Variants in LINGO2 observed in about 807,000 individuals in gnomAD.
LINGO2 encodes leucine-rich repeat and immunoglobulin-like domain-containing nogo receptor-interacting protein 2.
LINGO2 carries 14 observed loss-of-function variants against 30.6 expected under a neutral mutation model. The observed-to-expected ratio is 0.46, with a 90% CI of 0.30 to 0.72. The LOEUF (loss-of-function observed/expected upper bound fraction) is 0.72, where lower values mean the gene tolerates loss of function less well. LINGO2 is among the 30% of genes least tolerant of loss of function. The probability of loss-of-function intolerance (pLI) is 0.07; values close to 1 mark genes in which losing one functional copy is unlikely to be tolerated. For missense variants in LINGO2, 729 were observed against 751.7 expected (o/e 0.97, Z 0.35); for synonymous variants, 317 against 288.5 (o/e 1.10, Z -1.00).
the LINGO2 span, among the ~76,000 whole-genome samples, chr9:28,989,319 T>C: frequency 2.0e-5 from 3 of 152,228 alleles, no homozygotes; most frequent in Non-Finnish European, 2.9e-5. Flanking sequence ...ACAATGTTTG[T>C]AAAATATTCT....
At chr9:28,605,181 T>C (rs1460519701) in intron 1 of LINGO2, among the ~76,000 whole-genome samples, 2 of 152,138 alleles carry the variant, frequency 1.3e-5, no homozygotes, top group Non-Finnish European at 2.9e-5. Context: ...AGAAAATAAA[T>C]ACCTCAATAA....
At chr9:28,091,760 G>C (rs1015192561) in intron 4 of LINGO2, among the ~76,000 whole-genome samples, 2 of 152,098 alleles carry the variant, frequency 1.3e-5, no homozygotes, top group Non-Finnish European at 2.9e-5. Flanking sequence ...AGAGTGAACA[G>C]GCAACCTACA....
At chr9:29,069,111 T>C in the LINGO2 span, among the ~76,000 whole-genome samples, 3 of 152,016 alleles carry the variant, frequency 2.0e-5, no homozygotes, top group African/African-American at 7.2e-5. Flanking sequence ...TATGTATCCA[T>C]TGTCATGAGG....
At chr9:28,736,014 G>A in the LINGO2 span, among the ~76,000 whole-genome samples, 1 of 152,162 alleles carries the variant, frequency 6.6e-6, no homozygotes, top group African/African-American at 2.4e-5. Flanking sequence ...AACATAAACA[G>A]TGAGATCAAT....
At chr9:28,199,824 A>G (rs1820162415) in intron 4 of LINGO2, among the ~76,000 whole-genome samples, 1 of 152,162 alleles carries the variant, frequency 6.6e-6, no homozygotes. Flanking sequence ...ATACATGACC[A>G]ATACATTGAA....
chr9:28,530,140 G>A (rs1821174485), intron 1 of LINGO2, among the ~76,000 whole-genome samples: 1 of 151,966 alleles, frequency 6.6e-6, no homozygotes, highest in South Asian at 2.1e-4. Flanking sequence ...GGCAAAAGCA[G>A]GTGAAGGTGG....
At chr9:28,830,467 A>G in the LINGO2 span, among the ~76,000 whole-genome samples, 1 of 152,130 alleles carries the variant, frequency 6.6e-6, no homozygotes, top group African/African-American at 2.4e-5. Context: ...GAAAACCAAA[A>G]TGGAAATGAA....
At chr9:28,018,237 C>T (rs1272232727) in intron 4 of LINGO2, among the ~76,000 whole-genome samples, 1 of 152,058 alleles carries the variant, frequency 6.6e-6, no homozygotes, top group Non-Finnish European at 1.5e-5. Context: ...AACTGTAGAA[C>T]CTAAAACTAT....
At chr9:28,800,269 A>C in the LINGO2 span, among the ~76,000 whole-genome samples, 763 of 152,124 alleles carry the variant, frequency 5.0e-3, 8 homozygotes, top group African/African-American at 0.018. Flanking sequence ...TCTGAGTTGA[A>C]CTCGATTTTC....
chr9:28,097,947 C>T (rs1449889694), intron 4 of LINGO2, among the ~76,000 whole-genome samples: 1 of 152,034 alleles, frequency 6.6e-6, no homozygotes, highest in Non-Finnish European at 1.5e-5. Flanking sequence ...AGTCTGCCAA[C>T]AGGCCTTGCT....
At chr9:28,928,549 C>T in the LINGO2 span, among the ~76,000 whole-genome samples, 1 of 152,028 alleles carries the variant, frequency 6.6e-6, no homozygotes, top group Non-Finnish European at 1.5e-5. Flanking sequence ...CACACAGGCA[C>T]TGAGGTTCCA....
At chr9:28,566,981 C>T (rs889007633) in intron 1 of LINGO2, among the ~76,000 whole-genome samples, 2 of 152,138 alleles carry the variant, frequency 1.3e-5, no homozygotes, top group African/African-American at 2.4e-5. Context: ...TCATCTTCAG[C>T]TTTAAGTAAT....
intron 5 of LINGO2, among the ~76,000 whole-genome samples, chr9:28,012,085 C>T (rs928629402): frequency 1.3e-5 from 2 of 152,076 alleles, no homozygotes; most frequent in Non-Finnish European, 2.9e-5. Flanking sequence ...TTTATTTTCC[C>T]CAGAAGAGTT....
the LINGO2 span, among the ~76,000 whole-genome samples, chr9:28,858,000 G>A: frequency 1.3e-5 from 2 of 151,568 alleles, no homozygotes; most frequent in African/African-American, 2.4e-5. Context: ...ATCCCATTTG[G>A]TCTCTGGATT....
At chr9:28,557,474 G>A (rs368486148) in intron 1 of LINGO2, among the ~76,000 whole-genome samples, 56 of 151,586 alleles carry the variant, frequency 3.7e-4, no homozygotes, top group African/African-American at 4.6e-4. Context: ...TTAGAATGGC[G>A]ATCATTAAAA....
At chr9:28,040,348 A>G (rs1346024664) in intron 4 of LINGO2, among the ~76,000 whole-genome samples, 2 of 151,954 alleles carry the variant, frequency 1.3e-5, no homozygotes, top group African/African-American at 4.8e-5. Flanking sequence ...AAACTGCTGA[A>G]TTGGAAGGTT....
the LINGO2 span, among the ~76,000 whole-genome samples, chr9:28,730,557 A>C: frequency 1.9e-4 from 29 of 152,342 alleles, 1 homozygote; most frequent in East Asian, 5.0e-3. Context: ...CACATATCCA[A>C]TAAAGGACTA....
At chr9:28,813,177 G>C in the LINGO2 span, among the ~76,000 whole-genome samples, 1 of 151,916 alleles carries the variant, frequency 6.6e-6, no homozygotes, top group East Asian at 1.9e-4. Flanking sequence ...TTGATGTCAA[G>C]TGAGAAGAAA....
At chr9:28,524,203 C>T (rs946938867) in intron 1 of LINGO2, among the ~76,000 whole-genome samples, 3 of 152,156 alleles carry the variant, frequency 2.0e-5, no homozygotes, top group East Asian at 3.9e-4. Flanking sequence ...AGTACTAGAA[C>T]AGTTGGATAA....
Sources: allele counts gnomAD v4.1 joint callset (sites outside exome capture counted in the v4.1 genomes callset), GRCh38; gene constraint gnomAD v4.1.1; transcripts MANE v1.5; gene names NCBI Gene and HGNC (gene_info 2026-07-23, HGNC 2026-07-21).